The following KLRG1 variants were observed in gnomAD, a reference collection of about 807,000 sequenced individuals.
The protein encoded by KLRG1 is killer cell lectin-like receptor subfamily G member 1.
KLRG1 carries 16 observed loss-of-function variants against 21.8 expected under a neutral mutation model. The ratio of observed to expected loss-of-function variants is 0.73; its 90% CI spans 0.50 to 1.11. KLRG1 has a LOEUF of 1.11. Among genes scored for constraint, KLRG1 ranks in the 50% most tolerant of loss-of-function variants. The probability of loss-of-function intolerance (pLI) is 0.00; values close to 1 mark genes in which losing one functional copy is unlikely to be tolerated. For missense variants in KLRG1, 173 were observed against 218.3 expected (o/e 0.79, Z 1.31); for synonymous variants, 69 against 75.9 (o/e 0.91, Z 0.47).
At chr12:9,158,567 A>C in the KLRG1 span, 2 of 1,614,092 alleles carry the variant, frequency 1.2e-6, no homozygotes, top group Non-Finnish European at 1.7e-6. Flanking sequence ...TCAGTACAAA[A>C]GCTGTGAGCC....
chr12:9,113,460 G>A, the KLRG1 span: 99 of 1,613,896 alleles, frequency 6.1e-5, no homozygotes, highest in East Asian at 2.0e-3. Flanking sequence ...TACAGTCACT[G>A]TCTCATTCAG....
At chr12:9,005,000 T>G (rs751843236) in intron 3 of KLRG1, among the ~76,000 whole-genome samples, 4 of 152,332 alleles carry the variant, frequency 2.6e-5, no homozygotes, top group Non-Finnish European at 5.9e-5. Context: ...TGAAGAGATA[T>G]GTTCACTCTC....
chr12:9,105,044 A>G, the KLRG1 span, among the ~76,000 whole-genome samples: 1 of 152,202 alleles, frequency 6.6e-6, no homozygotes, highest in Non-Finnish European at 1.5e-5. Flanking sequence ...ATAAAATTGA[A>G]AAGAGGCACA....
At chr12:9,031,014 C>T in the KLRG1 span, among the ~76,000 whole-genome samples, 2 of 152,172 alleles carry the variant, frequency 1.3e-5, no homozygotes, top group Non-Finnish European at 2.9e-5. Context: ...ATTGTGGAGG[C>T]CTAGCTTGCA....
chr12:9,144,297 C>CTGAGACCTGAGAGTTT, the KLRG1 span, among the ~76,000 whole-genome samples: 82 of 152,298 alleles, frequency 5.4e-4, 2 homozygotes, highest in African/African-American at 1.9e-3. Flanking sequence ...TCTCAGGACT[C>CTGAGACCTGAGAGTTT]TGAGAGCCCA....
the KLRG1 span, among the ~76,000 whole-genome samples, chr12:9,071,503 T>A: frequency 6.6e-6 from 1 of 152,156 alleles, no homozygotes; most frequent in African/African-American, 2.4e-5. Context: ...TAAACTCGTG[T>A]CATGGGGGTT....
chr12:9,068,787 C>A, the KLRG1 span: 1 of 1,609,336 alleles, frequency 6.2e-7, no homozygotes, highest in South Asian at 1.1e-5. Context: ...TTTCAGATCT[C>A]TTACTGGGAC....
the KLRG1 span, among the ~76,000 whole-genome samples, chr12:9,046,140 T>C: frequency 6.6e-6 from 1 of 152,134 alleles, no homozygotes; most frequent in Non-Finnish European, 1.5e-5. Context: ...TTTACCTATG[T>C]AACATGGTCT....
the KLRG1 span, among the ~76,000 whole-genome samples, chr12:9,083,706 C>A: frequency 2.7e-5 from 4 of 148,740 alleles, no homozygotes; most frequent in Admixed American, 6.7e-5. Flanking sequence ...AAGAAAGAGA[C>A]TATAAAGCAC....
the KLRG1 span, among the ~76,000 whole-genome samples, chr12:9,035,562 C>T: frequency 5.0e-4 from 75 of 149,388 alleles, no homozygotes; most frequent in Non-Finnish European, 8.6e-4. Context: ...CAAAACTGCA[C>T]GTTCTGCACG....
the KLRG1 span, among the ~76,000 whole-genome samples, chr12:9,078,330 G>A: frequency 1.0e-2 from 1,518 of 152,228 alleles, 20 homozygotes; most frequent in South Asian, 0.028. Flanking sequence ...TGAGGCTGAT[G>A]GCTTCCAGCT....
At chr12:9,098,577 T>C in the KLRG1 span, 5 of 1,575,000 alleles carry the variant, frequency 3.2e-6, no homozygotes, top group African/African-American at 1.3e-5. Context: ...GCACGGCCCT[T>C]CTTGATTCCT....
intron 3 of KLRG1, among the ~76,000 whole-genome samples, chr12:8,998,436 C>G (rs949120663): frequency 2.6e-5 from 4 of 152,118 alleles, no homozygotes; most frequent in African/African-American, 4.8e-5. Flanking sequence ...CACCTGTAAT[C>G]CTAGCACTTT....
chr12:9,039,876 T>G, the KLRG1 span, among the ~76,000 whole-genome samples: 2 of 152,238 alleles, frequency 1.3e-5, no homozygotes, highest in Admixed American at 1.3e-4. Context: ...CCAAGATAGA[T>G]TATTTGATTA....
downstream of KLRG1, among the ~76,000 whole-genome samples, chr12:9,013,701 T>G (rs906463398): frequency 1.3e-5 from 2 of 152,096 alleles, no homozygotes; most frequent in Admixed American, 6.5e-5. Flanking sequence ...ACTTATTCAC[T>G]ATAATGAGAA....
At chr12:9,177,715 T>C in the KLRG1 span, among the ~76,000 whole-genome samples, 18 of 152,244 alleles carry the variant, frequency 1.2e-4, no homozygotes, top group African/African-American at 4.3e-4. Context: ...TTTCTATAAC[T>C]TTATCATCTG....
chr12:9,196,352 T>A, the KLRG1 span: 1 of 1,611,548 alleles, frequency 6.2e-7, no homozygotes, highest in Non-Finnish European at 8.5e-7. Context: ...GGGGATTCCT[T>A]GTCTAAAGTG....
chr12:9,175,708 G>T, the KLRG1 span, among the ~76,000 whole-genome samples: 3 of 152,144 alleles, frequency 2.0e-5, no homozygotes, highest in African/African-American at 7.2e-5. Context: ...ATGAAGAAAA[G>T]CTCAACATCA....
At chr12:9,157,153 TC>T in the KLRG1 span, 1 of 1,605,072 alleles carries the variant, frequency 6.2e-7, no homozygotes, top group Non-Finnish European at 8.5e-7. Context: ...ATTGTTCAGC[TC>T]CCACTTATAA....
Sources: gnomAD v4.1 joint callset for allele counts (sites outside exome capture counted in the v4.1 genomes callset) on GRCh38, gnomAD v4.1.1 for gene constraint, MANE v1.5 for transcripts, NCBI Gene and HGNC (gene_info 2026-07-23, HGNC 2026-07-21) for gene names.